The following PCLO variants were observed in gnomAD, a reference collection of about 807,000 sequenced individuals.
PCLO encodes protein piccolo.
Under a neutral mutation model 427.5 loss-of-function variants are expected in PCLO, and 82 were observed. The observed-to-expected ratio is 0.19, with a 90% CI of 0.16 to 0.23. PCLO has a LOEUF of 0.23. Among genes scored for constraint, PCLO ranks in the 10% least tolerant of loss-of-function variants. The probability of loss-of-function intolerance (pLI) is 1.00; values close to 1 mark genes in which losing one functional copy is unlikely to be tolerated. For synonymous variants in PCLO, 2,357 were observed against 2,155.4 expected (o/e 1.09, Z -2.59); for missense variants, 6,239 against 6,115.9 (o/e 1.02, Z -0.67).
intron 1 of PCLO, 127 bp from the exon 2 acceptor site, chr7:83,156,519 C>A (rs563640488): frequency 5.4e-5 from 30 of 558,448 alleles, no homozygotes; most frequent in Non-Finnish European, 5.1e-5. Flanking sequence ...AACTAGAACC[C>A]ATTTTTGTAG....
Position 82,951,191 on chromosome 7 carries a change from T to C in PCLO, c.9397A>G (p.Met3133Val). ...TADAVTSLPA[M>V]HHSQPMPRSY... ...CTAGGCATTGGCTGGCTATGGTGCA[T>C]GGCAGGTAATGAAGTCACTGCATCA... The change falls in exon 6 of 25, where the codon ATG becomes GTG. Residue 3133 changes from methionine to valine, a missense_variant. Physicochemically the swap from Met to Val is conservative, Grantham distance 21. Transcript: ENST00000333891. 6.2e-7 allele frequency: 1 copy of C among 1,613,722 alleles called. No homozygotes were observed.
chr7:82,824,254 A>T lies in PCLO; in HGVS notation c.14578T>A (p.Phe4860Ile). The T allele has an allele frequency of 6.2e-7, 1 of 1,612,578 alleles. No individual in the cohort carries two copies. The highest frequency in any genetic ancestry group is 2.2e-5 in the East Asian group (1 of 44,776). Residue 4860 changes from phenylalanine (F) to isoleucine (I), a missense_variant, in exon 19 of 25, where the codon TTC becomes ATC. This residue lies in a region of PCLO where 877 missense variants were observed against 925.5 expected (regional missense o/e 0.95). Coordinates refer to ENST00000333891, the MANE Select transcript of PCLO (RefSeq NM_033026.6). ...SVIKSRSHGI[F>I]PDPSKDMQVP... ...TTCCTACCCTTTGATGGGTCAGGGA[A>T]GATACCATGGCTTCTGCTTTTGATA... is the stretch of plus-strand genomic sequence containing the variant.
chr7:82,952,079 A>T lies in PCLO; in HGVS notation c.8874T>A (p.Pro2958=). ...AACGATCCTCAGGAAGAGTAGTTGC[A>T]GGCTGCTGTGCTGTGCAGCTCCTTC... ...PFGRSCTAQQ[P]ATTLPEDRFG... The change falls in exon 5 of 25, where the codon CCT becomes CCA. Residue 2958 remains proline (P), a synonymous_variant. Transcript: ENST00000333891. 1 of 1,613,976 alleles carries T rather than the reference A, an allele frequency of 6.2e-7. No homozygotes were observed. Among genetic ancestry groups the T allele is most frequent in the East Asian group, 2.2e-5 (1 of 44,882 alleles).
chr7:82,779,674 C>G (rs1271936022), intron 22 of PCLO, among the ~76,000 whole-genome samples: 2 of 151,418 alleles, frequency 1.3e-5, no homozygotes, highest in African/African-American at 4.8e-5. Flanking sequence ...ATAGGTTTAC[C>G]ACCTCAATAT....
chr7:82,826,559 C>G (rs759840396), intron 18 of PCLO, 30 bp downstream of exon 18: 1 of 1,451,404 alleles, frequency 6.9e-7, no homozygotes, highest in Non-Finnish European at 9.6e-7. Context: ...ACCATAGCAG[C>G]AAATAAGGGA....
intron 3 of PCLO, among the ~76,000 whole-genome samples, chr7:83,032,590 C>T (rs1023274518): frequency 6.6e-6 from 1 of 151,894 alleles, no homozygotes; most frequent in Middle Eastern, 3.4e-3. Context: ...CAGATATCTT[C>T]TGAATGCCAG....
At chr7:83,009,664 G>A (rs1031572645) in intron 3 of PCLO, among the ~76,000 whole-genome samples, 13 of 151,704 alleles carry the variant, frequency 8.6e-5, no homozygotes, top group African/African-American at 3.1e-4. Flanking sequence ...CTATTGCCTG[G>A]AATGGAAATA....
intron 9 of PCLO, among the ~76,000 whole-genome samples, chr7:82,886,759 A>G (rs1793637158): frequency 6.6e-6 from 1 of 152,184 alleles, no homozygotes; most frequent in Non-Finnish European, 1.5e-5. Flanking sequence ...AATAATTACT[A>G]CTATCTGGAA....
At chr7:82,851,457 T>C (rs539246933) in intron 10 of PCLO, among the ~76,000 whole-genome samples, 1 of 151,994 alleles carries the variant, frequency 6.6e-6, no homozygotes, top group Non-Finnish European at 1.5e-5. Context: ...ACAAAATAAA[T>C]CATTACATAT....
chr7:82,952,940 A>G lies in PCLO; in HGVS notation c.8013T>C (p.Thr2671=). 6.2e-7 allele frequency: 1 copy of G among 1,613,934 alleles called. No individual in the cohort carries two copies. Residue 2671 remains threonine, a synonymous_variant, in exon 5 of 25, where the codon ACT becomes ACC. Transcript: ENST00000333891. ...AAACCTCAGTCTTGGAAACTTCAGT[A>G]GTGAGAAACTGTGTAACTGATGTGG... ...AAPTSVTQFL[T]TEVSKTEVSA... is the part of the protein sequence containing the mutation.
chr7:82,934,628 C>A (rs1211242328), intron 6 of PCLO, among the ~76,000 whole-genome samples: 7 of 151,446 alleles, frequency 4.6e-5, no homozygotes, highest in Non-Finnish European at 1.0e-4. Context: ...ATGGTGGCTT[C>A]AAAGCTTCAG....
chr7:83,037,989 T>TTATATATATATATATA (rs1161030427), intron 3 of PCLO, among the ~76,000 whole-genome samples: 52 of 13,578 alleles, frequency 3.8e-3, no homozygotes, highest in South Asian at 8.1e-3. Context: ...AAGGAGGAGC[T>TTATATATATATATATA]TATATATATA....
intron 22 of PCLO, among the ~76,000 whole-genome samples, chr7:82,780,885 A>G (rs961419572): frequency 3.3e-5 from 5 of 152,206 alleles, no homozygotes; most frequent in African/African-American, 9.7e-5. Flanking sequence ...CATAATATTC[A>G]GATTGGTTGT....
chr7:83,107,285 T>C (rs1406688656), intron 3 of PCLO, among the ~76,000 whole-genome samples: 1 of 152,172 alleles, frequency 6.6e-6, no homozygotes, highest in African/African-American at 2.4e-5. Flanking sequence ...ACATTTTCTA[T>C]GTAGAATATC....
At chr7:82,873,440 G>T (rs755375200) in intron 10 of PCLO, among the ~76,000 whole-genome samples, 4 of 152,020 alleles carry the variant, frequency 2.6e-5, no homozygotes, top group Non-Finnish European at 5.9e-5. Context: ...TGCTGACTGG[G>T]GAAGAGGCTC....
intron 6 of PCLO, among the ~76,000 whole-genome samples, chr7:82,926,434 G>T (rs1447229217): frequency 6.6e-6 from 1 of 151,946 alleles, no homozygotes; most frequent in African/African-American, 2.4e-5. Context: ...AAAAATGTGA[G>T]AAACTAAATT....
intron 4 of PCLO, among the ~76,000 whole-genome samples, chr7:82,959,618 A>G (rs1584223495): frequency 1.3e-5 from 2 of 152,124 alleles, no homozygotes; most frequent in African/African-American, 4.8e-5. Context: ...ATATCAAAAT[A>G]CCAGCCCTGC....
At chr7:83,105,921 A>T (rs182829711) in intron 3 of PCLO, among the ~76,000 whole-genome samples, 66 of 144,892 alleles carry the variant, frequency 4.6e-4, no homozygotes, top group African/African-American at 1.4e-3. Flanking sequence ...CAAAAACCTA[A>T]TTCTGACAAA....
At chr7:82,767,075 G>T (rs1006233245) in intron 22 of PCLO, among the ~76,000 whole-genome samples, 2 of 152,074 alleles carry the variant, frequency 1.3e-5, no homozygotes, top group Non-Finnish European at 2.9e-5. Flanking sequence ...AAAATCCTCC[G>T]TGTTTGCAGG....
Sources: allele counts gnomAD v4.1 joint callset (sites outside exome capture counted in the v4.1 genomes callset), GRCh38; gene constraint gnomAD v4.1.1; regional missense constraint gnomAD v4.1.1; transcripts MANE v1.5; gene names NCBI Gene and HGNC (gene_info 2026-07-23, HGNC 2026-07-21).